Variants in PPP2R5E observed in about 807,000 individuals in gnomAD.
PPP2R5E encodes protein phosphatase 2 regulatory subunit B'epsilon.
A neutral mutation model predicts 65.3 loss-of-function variants in PPP2R5E; 4 were observed. That is an observed-to-expected ratio of 0.06 (90% confidence interval 0.03 to 0.14). The LOEUF is 0.14. PPP2R5E is among the 10% of genes least tolerant of loss of function. The pLI is 1.00. For synonymous variants in PPP2R5E, 183 were observed against 187.4 expected (o/e 0.98, Z 0.19); for missense variants, 274 against 556.1 (o/e 0.49, Z 5.10).
At chr14:63,512,333 G>A (rs894794301) in intron 2 of PPP2R5E, among the ~76,000 whole-genome samples, 1 of 152,284 alleles carries the variant, frequency 6.6e-6, no homozygotes, top group African/African-American at 2.4e-5. Context: ...GATGGGTAGA[G>A]ATAGATGATG....
At chr14:63,519,812 C>T (rs1892821862) in intron 2 of PPP2R5E, among the ~76,000 whole-genome samples, 1 of 151,710 alleles carries the variant, frequency 6.6e-6, no homozygotes, top group Non-Finnish European at 1.5e-5. Context: ...CAGGCATGTG[C>T]CACCATGTCC....
intron 2 of PPP2R5E, among the ~76,000 whole-genome samples, chr14:63,528,044 T>C (rs536091926): frequency 6.6e-6 from 1 of 151,014 alleles, no homozygotes; most frequent in East Asian, 2.0e-4. Flanking sequence ...TACTGTAACA[T>C]AAAAATAAGA....
intron 2 of PPP2R5E, among the ~76,000 whole-genome samples, chr14:63,537,467 C>G (rs1373640962): frequency 6.6e-6 from 1 of 152,086 alleles, no homozygotes; most frequent in Non-Finnish European, 1.5e-5. Flanking sequence ...TTTTCTCCCC[C>G]AAAGCTCACA....
In PPP2R5E at chr14:63,484,347, T is replaced by TCTCACACA. The variant is rs758248092; in HGVS notation, c.158-30463_158-30462insTGTGTGAG. Among the ~76,000 whole-genome samples the TCTCACACA allele has an allele frequency of 1.8e-3, 252 of 139,668 alleles. 2 individuals are homozygous for TCTCACACA. Among genetic ancestry groups the TCTCACACA allele is most frequent in the East Asian group, 4.8e-3 (23 of 4,792 alleles). The allele number at this position is 139,668 out of a possible 152,430, so 91.6% of individuals were successfully genotyped here. A position where few individuals can be genotyped will look rare whatever the true frequency, so the allele number is the denominator to read the frequency against. On this transcript the variant is annotated intron_variant, in intron 2 of 13. Transcript: ENST00000337537. ...CTTTCTTTCTCTTTCTCTCTCTCTC[T>TCTCACACA]CACACACACACACACACACACACAC...
chr14:63,539,776 A>G (rs1893814429), intron 1 of PPP2R5E, 84 bp from the exon 2 acceptor site: 3 of 1,339,498 alleles, frequency 2.2e-6, no homozygotes, highest in South Asian at 1.4e-5. Context: ...AAATTCCCAT[A>G]TACAATATTC....
intron 2 of PPP2R5E, among the ~76,000 whole-genome samples, chr14:63,538,501 C>T (rs1274621457): frequency 6.6e-6 from 1 of 151,500 alleles, no homozygotes; most frequent in Non-Finnish European, 1.5e-5. Flanking sequence ...GATCTGCCTG[C>T]CTCGGGCTCC....
chr14:63,409,319 A>G (rs1886266989), intron 5 of PPP2R5E, among the ~76,000 whole-genome samples: 1 of 152,116 alleles, frequency 6.6e-6, no homozygotes, highest in Admixed American at 6.5e-5. Flanking sequence ...AGGCATGAAA[A>G]TCACTTGAAC....
chr14:63,529,599 G>A lies in PPP2R5E; in HGVS notation c.157+9930C>T, dbSNP rs576541430. Among the ~76,000 whole-genome samples, 129 of 139,854 alleles carry A rather than the reference G, an allele frequency of 9.2e-4. 1 individual carries two copies. Among genetic ancestry groups the A allele is most frequent in the African/African-American group, 3.2e-3 (120 of 37,384 alleles). The allele number at this position is 139,854 out of a possible 152,430, so 91.7% of individuals were successfully genotyped here. A position where few individuals can be genotyped will look rare whatever the true frequency, so the allele number is the denominator to read the frequency against. ...TCACCGTGTTAGCCAGGATGGTCTC[G>A]ATCTCCTGACCTCATGATCCACCAA... On this transcript the variant is annotated intron_variant, in intron 2 of 13. Transcript: ENST00000337537.
chr14:63,474,055 A>G (rs535025309), intron 2 of PPP2R5E, among the ~76,000 whole-genome samples: 3 of 152,336 alleles, frequency 2.0e-5, no homozygotes, highest in Admixed American at 6.5e-5. Context: ...AATGAATGGA[A>G]AAGAGGCAAG....
At chr14:63,475,578 A>G (rs1890367924) in intron 2 of PPP2R5E, among the ~76,000 whole-genome samples, 1 of 152,226 alleles carries the variant, frequency 6.6e-6, no homozygotes, top group African/African-American at 2.4e-5. Flanking sequence ...ATATATTACA[A>G]TTAGTTTACA....
At chr14:63,475,450 C>A (rs1189208799) in intron 2 of PPP2R5E, among the ~76,000 whole-genome samples, 1 of 152,220 alleles carries the variant, frequency 6.6e-6, no homozygotes, top group African/African-American at 2.4e-5. Context: ...ATACTTAAAT[C>A]AAAGACCAAT....
chr14:63,490,535 T>C (rs924671269), intron 2 of PPP2R5E, among the ~76,000 whole-genome samples: 3 of 150,478 alleles, frequency 2.0e-5, no homozygotes, highest in African/African-American at 7.3e-5. Context: ...CTCAAACAAA[T>C]CAACAAGAAA....
At position 63,374,145 on chromosome 14, in the gene PPP2R5E, G is replaced by A. The variant is rs556688273; in HGVS notation, c.*1864C>T. On this transcript the variant is annotated 3_prime_UTR_variant, in exon 14 of 14. Transcript: ENST00000337537. ...TTGTTTGTTTTTTTACAAAGTTACCGAGATGACAATATCCATAATTAGCTG... is the reference window on the plus strand; with the variant it reads ...TTGTTTGTTTTTTTACAAAGTTACCAAGATGACAATATCCATAATTAGCTG... 163 of 146,944 alleles carry A rather than the reference G, an allele frequency of 1.1e-3. 1 individual carries two copies. The highest frequency in any genetic ancestry group is 3.6e-3 in the African/African-American group (143 of 39,604). 9.1% of individuals were successfully genotyped at this position (146,944 alleles called of 1,614,324 possible).
chr14:63,427,812 A>C (rs1176862755), intron 3 of PPP2R5E, among the ~76,000 whole-genome samples: 1 of 152,172 alleles, frequency 6.6e-6, no homozygotes, highest in Non-Finnish European at 1.5e-5. Context: ...TATCTTATCC[A>C]GCCCCTTCAT....
At chr14:63,520,955 C>T (rs1316664545) in intron 2 of PPP2R5E, among the ~76,000 whole-genome samples, 2 of 149,604 alleles carry the variant, frequency 1.3e-5, no homozygotes, top group African/African-American at 4.9e-5. Flanking sequence ...AGGAGAATGG[C>T]GTGAACCAGG....
intron 5 of PPP2R5E, among the ~76,000 whole-genome samples, chr14:63,399,736 TG>T (rs199798886): frequency 6.6e-6 from 1 of 152,146 alleles, no homozygotes; most frequent in African/African-American, 2.4e-5. Context: ...GTTACTGAGT[TG>T]TTTTTTTTAA....
At chr14:63,396,465 A>C (rs373924914) in intron 6 of PPP2R5E, 121 bp downstream of exon 6, 116 of 1,308,416 alleles carry the variant, frequency 8.9e-5, no homozygotes, top group South Asian at 6.6e-4. Flanking sequence ...AGAATGAAGG[A>C]AGGCAGGCAG....
At chr14:63,498,451 T>C (rs1282802653) in intron 2 of PPP2R5E, among the ~76,000 whole-genome samples, 1 of 152,198 alleles carries the variant, frequency 6.6e-6, no homozygotes, top group Non-Finnish European at 1.5e-5. Context: ...TTTCAAGTTT[T>C]GTGTGTATGA....
chr14:63,503,226 GCTT>G (rs1213566489), intron 2 of PPP2R5E, among the ~76,000 whole-genome samples: 2 of 152,052 alleles, frequency 1.3e-5, no homozygotes, highest in African/African-American at 4.8e-5. Flanking sequence ...ACTAGACAAA[GCTT>G]CTTGGGAAGG....
Sources: allele counts gnomAD v4.1 joint callset (sites outside exome capture counted in the v4.1 genomes callset), GRCh38; gene constraint gnomAD v4.1.1; transcripts MANE v1.5; gene names NCBI Gene and HGNC (gene_info 2026-07-23, HGNC 2026-07-21).